AGMO: variants seen among roughly 807,000 people sequenced by gnomAD.
AGMO encodes alkylglycerol monooxygenase, also known as glyceryl-ether monooxygenase.
AGMO carries 75 observed loss-of-function variants against 60.2 expected under a neutral mutation model. The ratio of observed to expected loss-of-function variants is 1.25; its 90% CI spans 1.03 to 1.51. The LOEUF is 1.51. Ranked by LOEUF, AGMO falls within the 40% of genes most tolerant of loss-of-function variation. AGMO has a pLI of 0.00. For synonymous variants in AGMO, 261 were observed against 177.1 expected, an observed-to-expected ratio of 1.47 and a Z score of -3.76; for missense variants, 763 against 525.5, an observed-to-expected ratio of 1.45 and a Z score of -4.42.
chr7:15,337,343 T>C (rs190419330), intron 12 of AGMO, among the ~76,000 whole-genome samples: 20 of 152,286 alleles, frequency 1.3e-4, no homozygotes, highest in Non-Finnish European at 2.6e-4. Flanking sequence ...ATAATTCATA[T>C]TCTCAATCAT....
At chr7:15,314,350 T>A (rs2128533830) in intron 12 of AGMO, among the ~76,000 whole-genome samples, 2 of 152,220 alleles carry the variant, frequency 1.3e-5, no homozygotes, top group South Asian at 4.1e-4. Context: ...ACTACAGTAA[T>A]GATATAATTG....
chr7:15,518,640 G>T (rs1344999128), intron 3 of AGMO, among the ~76,000 whole-genome samples: 1 of 151,966 alleles, frequency 6.6e-6, no homozygotes, highest in African/African-American at 2.4e-5. Flanking sequence ...CAACAAAAAG[G>T]GCGACCACTC....
the AGMO span, among the ~76,000 whole-genome samples, chr7:15,137,003 G>A: frequency 6.6e-6 from 1 of 152,102 alleles, no homozygotes; most frequent in Non-Finnish European, 1.5e-5. Context: ...TTCATAAGAT[G>A]CCAATAAGAT....
chr7:15,263,720 C>T (rs6953536), intron 12 of AGMO, among the ~76,000 whole-genome samples: 15,307 of 152,008 alleles, frequency 0.1, 2,544 homozygotes, highest in African/African-American at 0.35. Context: ...TACCATGGAA[C>T]ACTACTCAGC....
intron 12 of AGMO, among the ~76,000 whole-genome samples, chr7:15,359,399 G>T (rs1199075862): frequency 6.6e-6 from 1 of 150,378 alleles, no homozygotes; most frequent in Non-Finnish European, 1.5e-5. Context: ...TGTTTCTAAT[G>T]TGTGGTTTTC....
At chr7:15,430,507 T>C (rs1391536656) in intron 4 of AGMO, among the ~76,000 whole-genome samples, 4 of 151,616 alleles carry the variant, frequency 2.6e-5, no homozygotes, top group African/African-American at 9.7e-5. Flanking sequence ...TGTGAGAATA[T>C]TTTAGAGCCA....
chr7:15,494,091 G>A (rs1305474223), intron 3 of AGMO, among the ~76,000 whole-genome samples: 3 of 152,056 alleles, frequency 2.0e-5, no homozygotes, highest in Admixed American at 6.6e-5. Context: ...AGGTCAACAA[G>A]TGAATCCCAT....
At chr7:15,494,274 G>T (rs1181330982) in intron 3 of AGMO, among the ~76,000 whole-genome samples, 1 of 152,122 alleles carries the variant, frequency 6.6e-6, no homozygotes, top group African/African-American at 2.4e-5. Flanking sequence ...AAGTGGTTCA[G>T]GATATTTGAG....
rs376360905 is a variant in AGMO, at chr7:15,430,988, C to T, written c.513+17G>A. 2.3e-5 allele frequency: 32 copies of T among 1,395,722 alleles called. No homozygotes were observed. The African/African-American group carries it at 3.7e-4, about 16-fold the overall frequency. The allele number at this position is 1,395,722 out of a possible 1,614,324, so 86.5% of individuals were successfully genotyped here. The stretch of plus-strand genomic sequence containing the variant: ...ACAAATTAGATTACCATGTTTATTC[C>T]ATTTCATACAACTTACCCAGGAAGT... On this transcript the variant is annotated intron_variant, in intron 4 of 12. Coordinates refer to ENST00000342526, the MANE Select transcript of AGMO (RefSeq NM_001004320.2).
intron 12 of AGMO, among the ~76,000 whole-genome samples, chr7:15,206,010 G>C (rs1435645144): frequency 6.6e-6 from 1 of 151,994 alleles, no homozygotes; most frequent in East Asian, 1.9e-4. Flanking sequence ...GAAAACTAAA[G>C]GTAATCCTTT....
At chr7:15,252,126 G>C (rs1411033006) in intron 12 of AGMO, among the ~76,000 whole-genome samples, 1 of 152,094 alleles carries the variant, frequency 6.6e-6, no homozygotes. Flanking sequence ...GAGGAAAGGG[G>C]GTTTGTTAAC....
At chr7:15,217,304 A>G (rs1163165067) in intron 12 of AGMO, among the ~76,000 whole-genome samples, 1 of 152,132 alleles carries the variant, frequency 6.6e-6, no homozygotes, top group Admixed American at 6.6e-5. Flanking sequence ...ATCTCAACTG[A>G]GGAGGAGTTC....
intron 8 of AGMO, among the ~76,000 whole-genome samples, chr7:15,389,783 C>G (rs556232499): frequency 6.6e-6 from 1 of 152,242 alleles, no homozygotes; most frequent in South Asian, 2.1e-4. Flanking sequence ...ATGAAAAGAG[C>G]CACTACTTTA....
At chr7:15,561,552 T>C (rs1214074550) in intron 1 of AGMO, among the ~76,000 whole-genome samples, 168 bp downstream of exon 1, 1 of 152,116 alleles carries the variant, frequency 6.6e-6, no homozygotes, top group Non-Finnish European at 1.5e-5. Flanking sequence ...TGTAAGAAAA[T>C]TCAAGTGGAA....
intron 3 of AGMO, among the ~76,000 whole-genome samples, chr7:15,507,090 T>C (rs1562541990): frequency 6.6e-6 from 1 of 151,990 alleles, no homozygotes; most frequent in Admixed American, 6.6e-5. Context: ...ATATTTATGA[T>C]AGTTAAGGAA....
At chr7:15,468,572 A>G (rs1456458235) in intron 3 of AGMO, among the ~76,000 whole-genome samples, 2 of 152,108 alleles carry the variant, frequency 1.3e-5, no homozygotes, top group Non-Finnish European at 2.9e-5. Flanking sequence ...TCATATATAT[A>G]TGATTTTGTT....
chr7:15,199,942 CAT>C (rs1356960469), downstream of AGMO, among the ~76,000 whole-genome samples: 1 of 152,150 alleles, frequency 6.6e-6, no homozygotes, highest in Non-Finnish European at 1.5e-5. Context: ...CCTCAGTTCA[CAT>C]AGACACCTGC....
At chr7:15,469,203 C>A (rs945826286) in intron 3 of AGMO, among the ~76,000 whole-genome samples, 6 of 151,942 alleles carry the variant, frequency 3.9e-5, no homozygotes, top group African/African-American at 1.2e-4. Context: ...TATCTTCTTG[C>A]AGACTGCTCT....
At chr7:15,125,854 G>C in the AGMO span, among the ~76,000 whole-genome samples, 45 of 152,180 alleles carry the variant, frequency 3.0e-4, no homozygotes, top group East Asian at 1.6e-3. Context: ...TTTAGTCTCT[G>C]TGAATCTCAA....
Sources: allele counts gnomAD v4.1 joint callset (sites outside exome capture counted in the v4.1 genomes callset), GRCh38; gene constraint gnomAD v4.1.1; transcripts MANE v1.5; gene names NCBI Gene and HGNC (gene_info 2026-07-23, HGNC 2026-07-21).